Variants in GREB1L observed in about 807,000 individuals in gnomAD.
GREB1L encodes GREB1-like protein.
Under a neutral mutation model 200.8 loss-of-function variants are expected in GREB1L, and 17 were observed. The observed-to-expected ratio is 0.08, with a 90% CI of 0.06 to 0.13. The LOEUF is 0.13. GREB1L is among the 10% of genes least tolerant of loss of function. The pLI, the probability that GREB1L is intolerant of heterozygous loss-of-function variation, is 1.00. For synonymous variants in GREB1L, 789 were observed against 893.0 expected (o/e 0.88, Z 2.08); for missense variants, 1,657 against 2,367.7 (o/e 0.70, Z 6.23).
chr18:21,429,189 TTCCCCTCCCCTCCCCTCCGC>T (rs1271175275), intron 7 of GREB1L, among the ~76,000 whole-genome samples: 1 of 35,268 alleles, frequency 2.8e-5, no homozygotes, highest in African/African-American at 1.2e-4. Context: ...TTCCCCTCCC[TTCCCCTCCCCTCCCCTCCGC>T]TCCCCTCCCC....
chr18:21,336,877 C>G (rs1327700091), intron 1 of GREB1L, among the ~76,000 whole-genome samples: 1 of 152,164 alleles, frequency 6.6e-6, no homozygotes, highest in Non-Finnish European at 1.5e-5. Context: ...CCGCTCCAGC[C>G]TTTTTGCTTC....
At chr18:21,280,391 C>CT (rs763825839) in intron 1 of GREB1L, among the ~76,000 whole-genome samples, 682 of 139,064 alleles carry the variant, frequency 4.9e-3, no homozygotes, top group South Asian at 8.2e-3. Flanking sequence ...TCCTTTCTTT[C>CT]TTTTTTTTTT....
chr18:21,355,833 A>T (rs1343262493), intron 1 of GREB1L, among the ~76,000 whole-genome samples: 2 of 152,238 alleles, frequency 1.3e-5, no homozygotes, highest in Admixed American at 1.3e-4. Flanking sequence ...AATCTTCTTG[A>T]AAAGATTTTT....
chr18:21,433,241 G>C (rs777471409), intron 7 of GREB1L, among the ~76,000 whole-genome samples: 2 of 152,074 alleles, frequency 1.3e-5, no homozygotes, highest in Non-Finnish European at 2.9e-5. Flanking sequence ...ACTATGGATT[G>C]TTGTTTATAT....
rs1012160412 is a variant in GREB1L, at chr18:21,500,323, C to G, written c.3969+17C>G. The G allele has an allele frequency of 1.9e-6, 2 of 1,076,796 alleles. No individual in the cohort carries two copies. The highest frequency in any genetic ancestry group is 3.1e-5 in the African/African-American group (2 of 64,278). The allele number at this position is 1,076,796 out of a possible 1,614,324, so 66.7% of individuals were successfully genotyped here. A position where few individuals can be genotyped will look rare whatever the true frequency, so the allele number is the denominator to read the frequency against. On this transcript the variant is annotated intron_variant, in intron 22 of 32. Transcript: ENST00000424526. Reference sequence around the variant, plus strand: ...CCCCCACAGGTAGGGCCAAGCCAGCCGGGGCCGTTTCTTAGGCTGGGGTTG... The same window carrying G: ...CCCCCACAGGTAGGGCCAAGCCAGCGGGGGCCGTTTCTTAGGCTGGGGTTG...
At chr18:21,346,294 A>G (rs1434930027) in intron 1 of GREB1L, among the ~76,000 whole-genome samples, 1 of 152,122 alleles carries the variant, frequency 6.6e-6, no homozygotes, top group African/African-American at 2.4e-5. Flanking sequence ...CTATAGTAGG[A>G]GTTTCTAAAC....
chr18:21,518,810 T>C (rs1473752552), intron 31 of GREB1L, among the ~76,000 whole-genome samples: 2 of 152,178 alleles, frequency 1.3e-5, no homozygotes, highest in African/African-American at 4.8e-5. Flanking sequence ...TTTTTTAAAC[T>C]GCCACTTGCA....
At position 21,493,191 on chromosome 18, in the gene GREB1L, A is replaced by G. The variant is rs145531870; in HGVS notation, c.3031-2479A>G. ...GCCTTCTATCTCTACTTTTGGGTAA[A>G]ATCCAACACTACTTCTATTATGTGA... On this transcript the variant is annotated intron_variant, in intron 19 of 32. Coordinates refer to ENST00000424526, the MANE Select transcript of GREB1L (RefSeq NM_001142966.3). 3.1e-3 allele frequency among the ~76,000 whole-genome samples: 479 copies of G among 152,268 alleles called. 3 individuals are homozygous for G. Among genetic ancestry groups the G allele is most frequent in the South Asian group, 5.0e-3 (24 of 4,824 alleles).
At chr18:21,280,319 G>A (rs1297933481) in intron 1 of GREB1L, among the ~76,000 whole-genome samples, 1 of 151,778 alleles carries the variant, frequency 6.6e-6, no homozygotes, top group Non-Finnish European at 1.5e-5. Context: ...TTTTCAGATT[G>A]GCTTCCTTCA....
rs8091454 is a variant in GREB1L at position 21,467,210 on chromosome 18, G to T, written c.2183-5821G>T. 8.0e-3 allele frequency among the ~76,000 whole-genome samples: 1,213 copies of T among 152,192 alleles called. 13 individuals are homozygous for T. The highest frequency in any genetic ancestry group is 0.028 in the African/African-American group (1,160 of 41,528). On this transcript the variant is annotated intron_variant, in intron 15 of 32. Coordinates refer to ENST00000424526, the MANE Select transcript of GREB1L (RefSeq NM_001142966.3). ...ATACTAATAATTATTTCTTGTATAT[G>T]ACACCAAAAGCATAAACTTTTATAC...
At chr18:21,318,172 G>A (rs983853652) in intron 1 of GREB1L, among the ~76,000 whole-genome samples, 1 of 151,806 alleles carries the variant, frequency 6.6e-6, no homozygotes, top group Non-Finnish European at 1.5e-5. Flanking sequence ...CTCCTGGATT[G>A]GTGTAAGAGT....
intron 7 of GREB1L, among the ~76,000 whole-genome samples, chr18:21,428,196 CAAAAAAAAAAAAAAA>C (rs60750456): frequency 0.022 from 1,076 of 48,190 alleles, 29 homozygotes; most frequent in Middle Eastern, 0.048. Context: ...GACTCCGTCT[CAAAAAAAAAAAAAAA>C]AAAAAAAAAA....
intron 16 of GREB1L, 74 bp downstream of exon 16, chr18:21,473,285 G>A (rs1379121884): frequency 1.7e-6 from 2 of 1,202,050 alleles, no homozygotes; most frequent in East Asian, 5.8e-5. Flanking sequence ...ATATGTTAAA[G>A]ATGGCCAGGC....
At chr18:21,414,885 T>G (rs1192301285) in intron 7 of GREB1L, among the ~76,000 whole-genome samples, 1 of 152,028 alleles carries the variant, frequency 6.6e-6, no homozygotes, top group Non-Finnish European at 1.5e-5. Flanking sequence ...TTAAAAAAAT[T>G]TTAAATACAC....
At chr18:21,518,487 C>T (rs1460156045) in intron 31 of GREB1L, among the ~76,000 whole-genome samples, 5 of 152,212 alleles carry the variant, frequency 3.3e-5, no homozygotes, top group Admixed American at 2.0e-4. Flanking sequence ...TTTATCTCCA[C>T]AAATGAGCCA....
At chr18:21,501,453 AG>A (rs1483777694) in intron 23 of GREB1L, among the ~76,000 whole-genome samples, 1 of 151,892 alleles carries the variant, frequency 6.6e-6, no homozygotes, top group African/African-American at 2.4e-5. Context: ...CTCATTGTTC[AG>A]CTCCCACCTG....
Position 21,449,835 on chromosome 18 carries a change from A to G in GREB1L, c.1719A>G (p.Leu573=). 1 of 1,496,954 alleles carries G rather than the reference A, an allele frequency of 6.7e-7. No homozygotes were observed. The highest frequency in any genetic ancestry group is 1.4e-5 in the African/African-American group (1 of 70,726). 92.7% of individuals were successfully genotyped at this position (1,496,954 alleles called of 1,614,324 possible). ...IRGNEFCVVV[L]GQHQSRALAE... ...GAAATGAATTTTGTGTGGTAGTGTT[A>G]GGTGAGTAATTTTTTTGTTTTTTGT... Residue 573 remains leucine (L), a splice_region_variant and synonymous_variant, in exon 12 of 33, where the codon TTA becomes TTG. Coordinates refer to ENST00000424526, the MANE Select transcript of GREB1L (RefSeq NM_001142966.3).
At chr18:21,280,953 C>T (rs1031673192) in intron 1 of GREB1L, among the ~76,000 whole-genome samples, 1 of 152,096 alleles carries the variant, frequency 6.6e-6, no homozygotes, top group Non-Finnish European at 1.5e-5. Flanking sequence ...TACTATCTTT[C>T]TGGGAGCTGA....
At position 21,410,881 on chromosome 18, in the gene GREB1L, AG is replaced by A. The variant is rs573808612; in HGVS notation, c.832+6889del. ...TGAGGCAGGAGGATCACTTGAGCCC[AG>A]GAGGTTGAGGCTGCAGTGAGCTAGG... On this transcript the variant is annotated intron_variant, in intron 7 of 32. Transcript: ENST00000424526. 9.9e-5 allele frequency among the ~76,000 whole-genome samples: 15 copies of A among 152,062 alleles called. No homozygotes were observed. In the South Asian group the frequency reaches 3.1e-3, roughly 32 times the overall value.
Sources: allele counts gnomAD v4.1 joint callset (sites outside exome capture counted in the v4.1 genomes callset), GRCh38; gene constraint gnomAD v4.1.1; transcripts MANE v1.5; gene names NCBI Gene and HGNC (gene_info 2026-07-23, HGNC 2026-07-21).